The following CWC25 variants were observed in gnomAD, a reference collection of about 807,000 sequenced individuals.
The protein encoded by CWC25 is CWC25 spliceosome associated protein, also known as pre-mRNA-splicing factor CWC25 homolog.
Under a neutral mutation model 54.6 loss-of-function variants are expected in CWC25, and 31 were observed. The observed-to-expected ratio is 0.57, with a 90% confidence interval of 0.43 to 0.77. The LOEUF (loss-of-function observed/expected upper bound fraction) is 0.77, where lower values mean the gene tolerates loss of function less well. CWC25 is among the 30% of genes least tolerant of loss of function. CWC25 has a pLI of 0.00. For synonymous variants in CWC25, 151 were observed against 187.0 expected (o/e 0.81, Z 1.57); for missense variants, 453 against 529.3 (o/e 0.86, Z 1.41).
intron 4 of CWC25, among the ~76,000 whole-genome samples, chr17:38,811,245 A>C (rs1010733250): frequency 2.6e-5 from 4 of 151,078 alleles, no homozygotes; most frequent in African/African-American, 4.9e-5. Flanking sequence ...TTAAAAAAAA[A>C]CAAAAAGCCC....
At chr17:38,815,336 A>G (rs1367859681) in intron 2 of CWC25, among the ~76,000 whole-genome samples, 1 of 152,138 alleles carries the variant, frequency 6.6e-6, no homozygotes, top group East Asian at 1.9e-4. Context: ...CGGGTGGATC[A>G]CTTGAGGTCA....
chr17:38,818,923 C>T (rs1354958506), intron 2 of CWC25, among the ~76,000 whole-genome samples: 1 of 152,096 alleles, frequency 6.6e-6, no homozygotes, highest in Non-Finnish European at 1.5e-5. Flanking sequence ...ATGTGTAATG[C>T]TTTGGTGAAT....
intron 4 of CWC25, among the ~76,000 whole-genome samples, chr17:38,812,189 G>A (rs1049204817): frequency 3.3e-5 from 5 of 151,912 alleles, no homozygotes; most frequent in Middle Eastern, 3.4e-3. Context: ...CACCCGCCTC[G>A]GCCTCCCAAA....
chr17:38,810,256 T>A, intron 5 of CWC25: 1 of 568,948 alleles, frequency 1.8e-6, no homozygotes, highest in Non-Finnish European at 3.0e-6. Flanking sequence ...TCCAGCAGCA[T>A]GGCCAAGATA....
At chr17:38,821,301 C>A (rs185236558) in intron 1 of CWC25, among the ~76,000 whole-genome samples, 69 of 152,242 alleles carry the variant, frequency 4.5e-4, no homozygotes, top group Admixed American at 2.0e-3. Context: ...TGGCTCACAC[C>A]TGTAATCCCA....
At chr17:38,822,235 G>A (rs1911954539) in intron 1 of CWC25, among the ~76,000 whole-genome samples, 1 of 151,538 alleles carries the variant, frequency 6.6e-6, no homozygotes, top group Non-Finnish European at 1.5e-5. Context: ...GGCTAATTTT[G>A]TATTTTTAGT....
chr17:38,805,829 T>C (rs1179608257), intron 8 of CWC25, among the ~76,000 whole-genome samples: 1 of 151,984 alleles, frequency 6.6e-6, no homozygotes, highest in Non-Finnish European at 1.5e-5. Flanking sequence ...TTTTTTTTTT[T>C]TGAGACAAAG....
At chr17:38,816,312 G>A (rs935179709) in intron 2 of CWC25, among the ~76,000 whole-genome samples, 1 of 152,054 alleles carries the variant, frequency 6.6e-6, no homozygotes, top group Admixed American at 6.6e-5. Flanking sequence ...GCAATGGTGC[G>A]ATCATGGCTC....
rs544560547 is a variant in CWC25, at chr17:38,819,653, G to A, written c.191+1248C>T. Among the ~76,000 whole-genome samples, 5 of 147,572 alleles carry A rather than the reference G, an allele frequency of 3.4e-5. No homozygotes were observed. In the East Asian group the frequency reaches 1.0e-3, roughly 30 times the overall value. ...TCCCAAAGTGCTAGATTACAGGCGTGAGCCACTGCACCCAGCCTCTATTTT... is the reference window on the plus strand; with the variant it reads ...TCCCAAAGTGCTAGATTACAGGCGTAAGCCACTGCACCCAGCCTCTATTTT... On this transcript the variant is annotated intron_variant, in intron 2 of 9. Transcript: ENST00000614790.
At chr17:38,825,009 T>C (rs959426657) in intron 1 of CWC25, among the ~76,000 whole-genome samples, 157 bp downstream of exon 1, 30 of 152,074 alleles carry the variant, frequency 2.0e-4, no homozygotes, top group African/African-American at 6.0e-4. Context: ...CACCCCTCCA[T>C]TGCCCTAAGG....
intron 1 of CWC25, among the ~76,000 whole-genome samples, chr17:38,823,165 T>C (rs1164725843): frequency 6.8e-6 from 1 of 147,042 alleles, no homozygotes. Context: ...TTAACTTTTT[T>C]TTTTTTTTTT....
At chr17:38,819,551 TA>T (rs1399893825) in intron 2 of CWC25, among the ~76,000 whole-genome samples, 3 of 151,332 alleles carry the variant, frequency 2.0e-5, no homozygotes. Flanking sequence ...TTTTTTTTTT[TA>T]GTAGAGATGG....
At chr17:38,816,993 T>G (rs1911724923) in intron 2 of CWC25, among the ~76,000 whole-genome samples, 1 of 126,366 alleles carries the variant, frequency 7.9e-6, no homozygotes, top group African/African-American at 4.1e-5. Flanking sequence ...CAAGACCCTT[T>G]AGAATTTTTT....
chr17:38,823,808 G>A (rs977088180), intron 1 of CWC25, among the ~76,000 whole-genome samples: 2 of 152,142 alleles, frequency 1.3e-5, no homozygotes, highest in Non-Finnish European at 2.9e-5. Flanking sequence ...ATCTTCTGGA[G>A]TCATTTTTGG....
At chr17:38,804,650 A>C (rs1456312754) in intron 8 of CWC25, among the ~76,000 whole-genome samples, 2 of 150,182 alleles carry the variant, frequency 1.3e-5, no homozygotes, top group African/African-American at 4.9e-5. Flanking sequence ...CTACTAAAAT[A>C]TACAAAAATT....
At chr17:38,808,180 C>T (rs1335937370) in intron 6 of CWC25, among the ~76,000 whole-genome samples, 2 of 135,000 alleles carry the variant, frequency 1.5e-5, no homozygotes, top group African/African-American at 2.7e-5. Flanking sequence ...GTCGGGAGTT[C>T]GAGACCAGCC....
Position 38,809,973 on chromosome 17 carries a change from G to A in CWC25, c.627-208C>T, listed in dbSNP as rs570762335. Among the ~76,000 whole-genome samples the A allele has an allele frequency of 1.2e-4, 19 of 152,130 alleles. No individual in the cohort carries two copies. The South Asian group carries it at 1.9e-3, about 15-fold the overall frequency. Reference sequence around the variant, plus strand: ...TTTCCTGTGAAAAACTGTGGGCCTCGCTTCTAAGCCCCAACGCCTGAACAC... The same window carrying A: ...TTTCCTGTGAAAAACTGTGGGCCTCACTTCTAAGCCCCAACGCCTGAACAC... On this transcript the variant is annotated intron_variant, in intron 5 of 9. Transcript: ENST00000614790.
chr17:38,806,721 GC>G, intron 7 of CWC25, 43 bp downstream of exon 7: 1 of 1,488,312 alleles, frequency 6.7e-7, no homozygotes, highest in Non-Finnish European at 9.0e-7. Context: ...CTGGGACCAG[GC>G]CCCCACAGTC....
At chr17:38,820,514 G>A (rs1042356800) in intron 2 of CWC25, among the ~76,000 whole-genome samples, 1 of 152,076 alleles carries the variant, frequency 6.6e-6, no homozygotes, top group African/African-American at 2.4e-5. Flanking sequence ...ACCCAAGCAA[G>A]CCTGAAATAC....
Sources: allele counts gnomAD v4.1 joint callset (sites outside exome capture counted in the v4.1 genomes callset), GRCh38; gene constraint gnomAD v4.1.1; transcripts MANE v1.5; gene names NCBI Gene and HGNC (gene_info 2026-07-23, HGNC 2026-07-21).